Variants in TENM4 observed in about 807,000 individuals in gnomAD.
TENM4 encodes teneurin transmembrane protein 4, also known as teneurin-4.
TENM4 carries 82 observed loss-of-function variants against 243.3 expected under a neutral mutation model. The observed-to-expected ratio is 0.34, with a 90% CI of 0.28 to 0.40. TENM4 has a LOEUF of 0.40. TENM4 is among the 10% of genes least tolerant of loss of function. TENM4 has a pLI of 1.00. For missense variants in TENM4, 3,138 were observed against 3,673.3 expected, an observed-to-expected ratio of 0.85 and a Z score of 3.77; for synonymous variants, 1,412 against 1,456.3, an observed-to-expected ratio of 0.97 and a Z score of 0.69.
intron 16 of TENM4, among the ~76,000 whole-genome samples, chr11:78,782,627 G>A (rs373947046): frequency 6.6e-6 from 1 of 152,092 alleles, no homozygotes; most frequent in Admixed American, 6.6e-5. Context: ...ATTAGCTGGT[G>A]TGGTGGTGCA....
At chr11:79,205,582 A>C (rs897528920) in intron 3 of TENM4, among the ~76,000 whole-genome samples, 16 of 152,208 alleles carry the variant, frequency 1.1e-4, no homozygotes, top group Admixed American at 6.5e-4. Flanking sequence ...AGTTTCTGAG[A>C]TAGTTTTATT....
chr11:79,182,893 C>T (rs1443828228), intron 3 of TENM4, among the ~76,000 whole-genome samples: 1 of 152,124 alleles, frequency 6.6e-6, no homozygotes, highest in Non-Finnish European at 1.5e-5. Context: ...GGCAAAAATC[C>T]AAAACGCTGA....
chr11:79,070,839 T>C (rs1323629749), intron 4 of TENM4, among the ~76,000 whole-genome samples: 2 of 152,220 alleles, frequency 1.3e-5, no homozygotes, highest in African/African-American at 4.8e-5. Flanking sequence ...GCCTGCATTT[T>C]TCCTATTCCA....
chr11:79,141,955 T>C (rs1862293483), intron 4 of TENM4, among the ~76,000 whole-genome samples: 1 of 151,978 alleles, frequency 6.6e-6, no homozygotes, highest in Non-Finnish European at 1.5e-5. Context: ...ATGATAAAAA[T>C]TCTAAAAAAC....
intron 17 of TENM4, among the ~76,000 whole-genome samples, chr11:78,777,618 C>T (rs1408673118): frequency 6.6e-6 from 1 of 152,132 alleles, no homozygotes; most frequent in Admixed American, 6.5e-5. Flanking sequence ...CTCATACTAG[C>T]CTTATGAGGT....
chr11:79,143,371 T>C (rs1220197476), intron 4 of TENM4, among the ~76,000 whole-genome samples: 1 of 152,106 alleles, frequency 6.6e-6, no homozygotes, highest in Non-Finnish European at 1.5e-5. Context: ...TTCATGTCCT[T>C]TGTAGGGACA....
At chr11:78,787,146 G>A in intron 15 of TENM4, 63 bp from the exon 16 acceptor site, 3 of 1,473,222 alleles carry the variant, frequency 2.0e-6, no homozygotes, top group Non-Finnish European at 2.7e-6. Context: ...TGGCCAGAGG[G>A]GCAGGGGAGA....
intron 18 of TENM4, among the ~76,000 whole-genome samples, chr11:78,757,456 C>A (rs1856337343): frequency 6.6e-6 from 1 of 152,226 alleles, no homozygotes; most frequent in Non-Finnish European, 1.5e-5. Context: ...GAATTTCACC[C>A]TCAGAACAAT....
chr11:78,897,803 T>C (rs996189274), intron 7 of TENM4, among the ~76,000 whole-genome samples: 6 of 152,230 alleles, frequency 3.9e-5, no homozygotes, highest in African/African-American at 9.6e-5. Flanking sequence ...TGTGCCATTC[T>C]GGGAACCACA....
At chr11:78,900,454 C>T (rs1855902414) in intron 7 of TENM4, among the ~76,000 whole-genome samples, 1 of 152,178 alleles carries the variant, frequency 6.6e-6, no homozygotes, top group Non-Finnish European at 1.5e-5. Context: ...CCTACTATTT[C>T]CCCTCAACTC....
At chr11:78,906,767 T>C (rs1203577445) in intron 6 of TENM4, among the ~76,000 whole-genome samples, 1 of 152,198 alleles carries the variant, frequency 6.6e-6, no homozygotes, top group Admixed American at 6.5e-5. Flanking sequence ...CCCAAGAGCA[T>C]GCATACTGAT....
At chr11:78,700,395 C>A in intron 28 of TENM4, among the ~76,000 whole-genome samples, 1 of 152,276 alleles carries the variant, frequency 6.6e-6, no homozygotes, top group South Asian at 2.1e-4. Flanking sequence ...ATCACCCATC[C>A]TCAGAGCTGT....
chr11:78,749,609 AT>A (rs1856134890), intron 19 of TENM4, among the ~76,000 whole-genome samples: 1 of 152,172 alleles, frequency 6.6e-6, no homozygotes, highest in East Asian at 1.9e-4. Flanking sequence ...ACGCTTGCAT[AT>A]GGCTTTAGGT....
At chr11:79,354,024 C>T (rs547330181) in intron 1 of TENM4, among the ~76,000 whole-genome samples, 13 of 152,158 alleles carry the variant, frequency 8.5e-5, no homozygotes, top group Non-Finnish European at 1.3e-4. Flanking sequence ...CTAGACTCAC[C>T]GCTTTTCATC....
At chr11:79,098,925 T>A (rs1056383476) in intron 4 of TENM4, among the ~76,000 whole-genome samples, 2 of 152,236 alleles carry the variant, frequency 1.3e-5, no homozygotes, top group African/African-American at 4.8e-5. Context: ...TTTCCCCATC[T>A]ATAAAGTAGG....
intron 12 of TENM4, among the ~76,000 whole-genome samples, chr11:78,839,448 T>C (rs897199279): frequency 5.3e-5 from 8 of 152,330 alleles, no homozygotes; most frequent in Non-Finnish European, 8.8e-5. Flanking sequence ...AAGTGGTTGT[T>C]GCAGGTATAT....
intron 1 of TENM4, among the ~76,000 whole-genome samples, chr11:79,303,505 G>A (rs1856581696): frequency 6.6e-6 from 1 of 152,212 alleles, no homozygotes; most frequent in African/African-American, 2.4e-5. Flanking sequence ...AGTATTTACT[G>A]TGTGCCAGAC....
intron 32 of TENM4, among the ~76,000 whole-genome samples, chr11:78,667,189 G>C (rs1252556586): frequency 2.0e-5 from 3 of 152,152 alleles, no homozygotes; most frequent in Admixed American, 6.5e-5. Context: ...TAGGCCCCAA[G>C]TCTGTTTTCA....
At chr11:78,695,301 C>A (rs577560632) in intron 28 of TENM4, among the ~76,000 whole-genome samples, 1 of 152,194 alleles carries the variant, frequency 6.6e-6, no homozygotes, top group African/African-American at 2.4e-5. Flanking sequence ...CCTCCCTATA[C>A]CTCTATAACA....
Sources: gnomAD v4.1 joint callset for allele counts (sites outside exome capture counted in the v4.1 genomes callset) on GRCh38, gnomAD v4.1.1 for gene constraint, MANE v1.5 for transcripts, NCBI Gene and HGNC (gene_info 2026-07-23, HGNC 2026-07-21) for gene names.